The following RASGRF2 variants were observed in gnomAD, a reference collection of about 807,000 sequenced individuals.
RASGRF2 encodes the protein Ras protein specific guanine nucleotide releasing factor 2.
A neutral mutation model predicts 151.0 loss-of-function variants in RASGRF2; 76 were observed. The ratio of observed to expected loss-of-function variants is 0.50; its 90% confidence interval spans 0.42 to 0.61. The LOEUF (loss-of-function observed/expected upper bound fraction) is 0.61. Among genes scored for constraint, RASGRF2 ranks in the 20% least tolerant of loss-of-function variants. The probability of loss-of-function intolerance (pLI) is 0.00; values close to 1 mark genes in which losing one functional copy is unlikely to be tolerated. For synonymous variants in RASGRF2, 504 were observed against 566.5 expected (o/e 0.89, Z 1.57); for missense variants, 1,148 against 1,564.6 (o/e 0.73, Z 4.49).
intron 18 of RASGRF2, among the ~76,000 whole-genome samples, chr5:81,200,692 C>T (rs1331217340): frequency 6.6e-6 from 1 of 152,138 alleles, no homozygotes; most frequent in Admixed American, 6.5e-5. Context: ...TTAAATTGGC[C>T]CTTTCAATGG....
Position 81,080,684 on chromosome 5 carries a change from T to C in RASGRF2, c.1056T>C (p.Asn352=), listed in dbSNP as rs1468953698. The C allele has an allele frequency of 1.3e-5, 21 of 1,614,052 alleles. No individual in the cohort carries two copies. The highest frequency in any genetic ancestry group is 1.8e-5 in the Non-Finnish European group (21 of 1,180,000). ...NHQYSLQVLA[N]CKQNRDFDKL... Reference sequence around the variant, plus strand: ...AGTACAGCCTGCAAGTTCTCGCCAATTGTAAGCAAAACAGAGATTTTGACA... The same window carrying C: ...AGTACAGCCTGCAAGTTCTCGCCAACTGTAAGCAAAACAGAGATTTTGACA... Residue 352 remains asparagine (N), a synonymous_variant, in exon 7 of 27, where the codon AAT becomes AAC. Coordinates refer to ENST00000265080, the MANE Select transcript of RASGRF2 (RefSeq NM_006909.3).
At position 81,228,617 on chromosome 5, in the gene RASGRF2, C is replaced by G. The variant is rs1251963417; in HGVS notation, c.*2847C>G. 3 of 152,204 alleles carry G rather than the reference C, an allele frequency of 2.0e-5. No individual in the cohort carries two copies. Among genetic ancestry groups the G allele is most frequent in the African/African-American group, 7.2e-5 (3 of 41,442 alleles). The allele number at this position is 152,204 out of a possible 1,614,324, so 9.4% of individuals were successfully genotyped here. On this transcript the variant is annotated 3_prime_UTR_variant, in exon 27 of 27. Transcript: ENST00000265080. ...ATCAGAAGAAAAATCCAATTTCATG[C>G]TTTCGAATGAATGCCCACATTTTGT...
intron 9 of RASGRF2, among the ~76,000 whole-genome samples, chr5:81,090,126 C>A (rs76221958): frequency 6.6e-6 from 1 of 152,148 alleles, no homozygotes; most frequent in Non-Finnish European, 1.5e-5. Context: ...CTAAGTCATG[C>A]GCTTTCAATG....
At chr5:81,161,424 T>C (rs1354252699) in intron 17 of RASGRF2, among the ~76,000 whole-genome samples, 1 of 152,222 alleles carries the variant, frequency 6.6e-6, no homozygotes, top group Admixed American at 6.5e-5. Flanking sequence ...ATTTCACTCA[T>C]TGGAGAGCAT....
chr5:80,994,351 G>A (rs1187727976), intron 1 of RASGRF2, among the ~76,000 whole-genome samples: 4 of 128,048 alleles, frequency 3.1e-5, no homozygotes, highest in African/African-American at 1.2e-4. Context: ...GGGCGACAGA[G>A]CGACACTCTG....
chr5:81,044,589 A>C (rs1282768627), intron 2 of RASGRF2, among the ~76,000 whole-genome samples: 1 of 152,170 alleles, frequency 6.6e-6, no homozygotes, highest in Non-Finnish European at 1.5e-5. Context: ...GCAGTGTGCC[A>C]AGTGTTTTAT....
intron 16 of RASGRF2, among the ~76,000 whole-genome samples, chr5:81,124,910 CAG>C (rs1237193461): frequency 1.4e-5 from 2 of 138,910 alleles, no homozygotes; most frequent in Middle Eastern, 3.7e-3. Flanking sequence ...GGTTTGGAGA[CAG>C]AGTCTCACTC....
intron 2 of RASGRF2, among the ~76,000 whole-genome samples, chr5:81,060,731 GC>G (rs1308690406): frequency 6.6e-6 from 1 of 152,138 alleles, no homozygotes; most frequent in Non-Finnish European, 1.5e-5. Flanking sequence ...TAATCCCAAT[GC>G]ATGAAGTAAA....
intron 1 of RASGRF2, among the ~76,000 whole-genome samples, chr5:81,012,539 C>T (rs111846758): frequency 0.017 from 2,557 of 152,176 alleles, 86 homozygotes; most frequent in African/African-American, 0.058. Context: ...CGGCGTCTGT[C>T]GGCGCCTTCA....
At chr5:81,130,369 T>C (rs1469444981) in intron 17 of RASGRF2, among the ~76,000 whole-genome samples, 1 of 152,200 alleles carries the variant, frequency 6.6e-6, no homozygotes, top group Non-Finnish European at 1.5e-5. Flanking sequence ...GGCTCTGCTG[T>C]GAAGGCAGCA....
At position 80,972,554 on chromosome 5, in the gene RASGRF2, A is replaced by C. The variant is rs1489714079; in HGVS notation, c.288+11528A>C. On this transcript the variant is annotated intron_variant, in intron 1 of 26. Coordinates refer to ENST00000265080, the MANE Select transcript of RASGRF2 (RefSeq NM_006909.3). ...GAGTGCAGTGGTATGAGCTCAGCTC[A>C]CTGCAGTCTTTGCCTCCTGGGTTCA... Among the ~76,000 whole-genome samples, 26 of 151,982 alleles carry C rather than the reference A, an allele frequency of 1.7e-4. 1 individual carries two copies. The highest frequency in any genetic ancestry group is 1.6e-3 in the Admixed American group (25 of 15,272).
intron 26 of RASGRF2, among the ~76,000 whole-genome samples, chr5:81,223,675 C>T (rs570655764): frequency 3.4e-4 from 51 of 151,688 alleles, no homozygotes; most frequent in African/African-American, 1.2e-3. Flanking sequence ...TCTACTGGCA[C>T]AGCAGTGCAA....
intron 1 of RASGRF2, among the ~76,000 whole-genome samples, chr5:81,023,266 A>G (rs778940342): frequency 1.3e-5 from 2 of 152,214 alleles, no homozygotes; most frequent in Admixed American, 6.5e-5. Context: ...GTCATTGTAG[A>G]TATTGAATTT....
chr5:80,993,859 C>T (rs1748734588), intron 1 of RASGRF2, among the ~76,000 whole-genome samples: 1 of 152,122 alleles, frequency 6.6e-6, no homozygotes, highest in Non-Finnish European at 1.5e-5. Context: ...CGCTGTGGGT[C>T]AAACCCAGCA....
At chr5:81,131,658 A>C (rs1256804628) in intron 17 of RASGRF2, among the ~76,000 whole-genome samples, 1 of 150,938 alleles carries the variant, frequency 6.6e-6, no homozygotes, top group Admixed American at 6.6e-5. Context: ...CCTGGCCTCA[A>C]TCTCTTTTTC....
At chr5:81,027,136 T>A (rs998909284) in intron 1 of RASGRF2, among the ~76,000 whole-genome samples, 7 of 152,344 alleles carry the variant, frequency 4.6e-5, no homozygotes, top group Admixed American at 2.6e-4. Flanking sequence ...CACCGTCTAT[T>A]TCCAGAATGC....
At chr5:81,171,945 C>CA (rs1452081403) in intron 17 of RASGRF2, among the ~76,000 whole-genome samples, 1 of 152,178 alleles carries the variant, frequency 6.6e-6, no homozygotes, top group Non-Finnish European at 1.5e-5. Context: ...AAGCTGATGA[C>CA]AGCAGCGATG....
chr5:81,008,543 C>T (rs1451737806), intron 1 of RASGRF2, among the ~76,000 whole-genome samples: 1 of 152,184 alleles, frequency 6.6e-6, no homozygotes, highest in Non-Finnish European at 1.5e-5. Flanking sequence ...TTATGAGTGC[C>T]TAATTTAGCT....
chr5:81,037,743 T>C (rs1400883032), intron 1 of RASGRF2, among the ~76,000 whole-genome samples: 1 of 152,180 alleles, frequency 6.6e-6, no homozygotes, highest in Non-Finnish European at 1.5e-5. Context: ...TCTCGGAACA[T>C]TTTTGAAGAT....
Sources: allele counts gnomAD v4.1 joint callset (sites outside exome capture counted in the v4.1 genomes callset), GRCh38; gene constraint gnomAD v4.1.1; transcripts MANE v1.5; gene names NCBI Gene and HGNC (gene_info 2026-07-23, HGNC 2026-07-21).